The following CUBN variants were observed in gnomAD, a reference collection of about 807,000 sequenced individuals.
The protein encoded by CUBN is 460 kDa receptor.
In CUBN, 282 loss-of-function variants were observed where a neutral mutation model predicts 405.3. The ratio of observed to expected loss-of-function variants is 0.70; its 90% CI spans 0.63 to 0.77. The LOEUF is 0.77. Among genes scored for constraint, CUBN ranks in the 30% least tolerant of loss-of-function variants. The pLI is 0.00. For missense variants in CUBN, 4,514 were observed against 4,475.2 expected (o/e 1.01, Z -0.25); for synonymous variants, 1,684 against 1,617.0 (o/e 1.04, Z -0.99).
intron 22 of CUBN, among the ~76,000 whole-genome samples, chr10:17,053,981 A>T (rs766454439): frequency 1.1e-4 from 16 of 152,118 alleles, no homozygotes; most frequent in African/African-American, 1.9e-4. Flanking sequence ...ACAAAGAAGA[A>T]ATCACAAGAT....
intron 31 of CUBN, among the ~76,000 whole-genome samples, chr10:16,969,709 GT>G (rs1466346405): frequency 6.6e-6 from 1 of 152,052 alleles, no homozygotes; most frequent in African/African-American, 2.4e-5. Flanking sequence ...TTTTGCCTTT[GT>G]TTCCATGACA....
At chr10:17,129,621 G>A in intron 1 of CUBN, 23 bp downstream of exon 1, 3 of 1,614,076 alleles carry the variant, frequency 1.9e-6, no homozygotes, top group Non-Finnish European at 2.5e-6. Flanking sequence ...CCCTGAGCAG[G>A]AATGACCCAT....
At chr10:16,859,953 T>C (rs1682257594) in intron 59 of CUBN, among the ~76,000 whole-genome samples, 1 of 152,184 alleles carries the variant, frequency 6.6e-6, no homozygotes, top group Non-Finnish European at 1.5e-5. Flanking sequence ...GGATTGATTA[T>C]TGATTATAAC....
intron 59 of CUBN, among the ~76,000 whole-genome samples, chr10:16,865,868 C>T (rs61844666): frequency 5.6e-4 from 85 of 152,252 alleles, no homozygotes; most frequent in Non-Finnish European, 1.1e-3. Flanking sequence ...TCTTTGGGTC[C>T]ATGCCAATTT....
At chr10:16,943,304 C>T (rs1016273405) in intron 36 of CUBN, among the ~76,000 whole-genome samples, 8 of 152,192 alleles carry the variant, frequency 5.3e-5, no homozygotes, top group African/African-American at 1.9e-4. Flanking sequence ...CTGGACTAGA[C>T]TAGATGGAAT....
At chr10:17,019,547 C>T (rs1295077075) in intron 28 of CUBN, among the ~76,000 whole-genome samples, 4 of 152,138 alleles carry the variant, frequency 2.6e-5, no homozygotes, top group Non-Finnish European at 5.9e-5. Context: ...ACTCTTCATC[C>T]CTAGAAACTT....
At chr10:16,972,430 C>A (rs2131673567) in intron 31 of CUBN, among the ~76,000 whole-genome samples, 1 of 143,472 alleles carries the variant, frequency 7.0e-6, no homozygotes, top group Middle Eastern at 3.6e-3. Context: ...AGTTAATGGC[C>A]TCATCATTCA....
intron 40 of CUBN, among the ~76,000 whole-genome samples, chr10:16,930,244 T>C (rs1025248804): frequency 6.6e-6 from 1 of 152,234 alleles, no homozygotes; most frequent in African/African-American, 2.4e-5. Flanking sequence ...TATTCAAGAC[T>C]GACATTTATT....
At chr10:16,835,703 C>A (rs1304554814) in intron 63 of CUBN, among the ~76,000 whole-genome samples, 1 of 149,542 alleles carries the variant, frequency 6.7e-6, no homozygotes, top group Non-Finnish European at 1.5e-5. Flanking sequence ...AAAATAAGTA[C>A]TAAATAAAGT....
At chr10:16,835,242 G>A in intron 63 of CUBN, 47 bp from the exon 64 acceptor site, 1 of 1,455,514 alleles carries the variant, frequency 6.9e-7, no homozygotes, top group Non-Finnish European at 9.7e-7. Context: ...CCAATATTTA[G>A]TGCTCTTTCA....
chr10:16,872,331 A>G (rs1210705439), intron 58 of CUBN, among the ~76,000 whole-genome samples: 1 of 142,200 alleles, frequency 7.0e-6, no homozygotes, highest in African/African-American at 2.9e-5. Context: ...GAAAAAATAC[A>G]TTTAGATTGT....
chr10:16,993,526 C>G (rs1402074385), intron 28 of CUBN, among the ~76,000 whole-genome samples: 1 of 149,646 alleles, frequency 6.7e-6, no homozygotes, highest in Non-Finnish European at 1.5e-5. Flanking sequence ...TTATATGGAC[C>G]CACAATGTCT....
chr10:16,989,590 T>TATATAC (rs150800534), intron 29 of CUBN, among the ~76,000 whole-genome samples: 16 of 147,272 alleles, frequency 1.1e-4, no homozygotes, highest in South Asian at 4.2e-4. Context: ...TATATATATA[T>TATATAC]ACACACACAC....
At chr10:16,860,695 G>A (rs889514527) in intron 59 of CUBN, among the ~76,000 whole-genome samples, 14 of 152,172 alleles carry the variant, frequency 9.2e-5, no homozygotes, top group Non-Finnish European at 1.6e-4. Context: ...GAAACCTTAG[G>A]AGCATTATTA....
Position 16,984,169 on chromosome 10 carries a change from T to A in CUBN, c.4461A>T (p.Arg1487=), listed in dbSNP as rs761782451. 92 of 1,613,996 alleles carry A rather than the reference T, an allele frequency of 5.7e-5. No individual in the cohort carries two copies. Among genetic ancestry groups the A allele is most frequent in the Non-Finnish European group, 7.6e-5 (90 of 1,180,006 alleles). The change falls in exon 30 of 67, where the codon CGA becomes CGT. Residue 1487 remains arginine (R), a synonymous_variant. Transcript: ENST00000377833. ...CATTTATGGACAAGTCGGTCTTGAA[T>A]CGAATTGCTAGCTCATTTCCAGTGC... ...VSSTGNELAI[R]FKTDLSINGR...
chr10:16,977,203 G>T (rs904560896), intron 31 of CUBN, among the ~76,000 whole-genome samples: 1 of 152,044 alleles, frequency 6.6e-6, no homozygotes, highest in Non-Finnish European at 1.5e-5. Flanking sequence ...CCCAGCAAAG[G>T]CCCCACTCTC....
chr10:16,848,490 C>A (rs955050068), intron 60 of CUBN, among the ~76,000 whole-genome samples: 1 of 152,020 alleles, frequency 6.6e-6, no homozygotes, highest in Non-Finnish European at 1.5e-5. Flanking sequence ...ACAGTAGGTA[C>A]TATTATGTGA....
intron 31 of CUBN, chr10:16,966,122 TGC>T: frequency 2.5e-6 from 1 of 394,460 alleles, no homozygotes; most frequent in East Asian, 7.7e-5. Flanking sequence ...CCCCATCCTT[TGC>T]ATCTGAACCT....
intron 28 of CUBN, among the ~76,000 whole-genome samples, chr10:16,998,738 T>A (rs11254326): frequency 6.6e-6 from 1 of 152,340 alleles, no homozygotes; most frequent in East Asian, 1.9e-4. Flanking sequence ...ATTTGTCATC[T>A]TGAGGTTTAG....
Sources: gnomAD v4.1 joint callset for allele counts (sites outside exome capture counted in the v4.1 genomes callset) on GRCh38, gnomAD v4.1.1 for gene constraint, MANE v1.5 for transcripts, NCBI Gene and HGNC (gene_info 2026-07-23, HGNC 2026-07-21) for gene names.